Variants in DDRGK1 observed in about 807,000 individuals in gnomAD.
The protein encoded by DDRGK1 is DDRGK domain-containing protein 1.
Under a neutral mutation model 45.8 loss-of-function variants are expected in DDRGK1, and 38 were observed. The observed-to-expected ratio is 0.83, with a 90% CI of 0.64 to 1.09. DDRGK1 has a LOEUF of 1.09. DDRGK1 is among the 50% of genes least tolerant of loss of function. The pLI, the probability that DDRGK1 is intolerant of heterozygous loss-of-function variation, is 0.00. For synonymous variants in DDRGK1, 171 were observed against 168.7 expected (o/e 1.01, Z -0.11); for missense variants, 403 against 419.9 (o/e 0.96, Z 0.35).
At chr20:3,191,365 G>C in intron 7 of DDRGK1, 127 bp from the exon 8 acceptor site, 1 of 1,119,470 alleles carries the variant, frequency 8.9e-7, no homozygotes, top group Non-Finnish European at 1.3e-6. Flanking sequence ...ATGTGACTCT[G>C]TGCTTTGCCT....
intron 4 of DDRGK1, among the ~76,000 whole-genome samples, chr20:3,198,358 C>T (rs1302664511): frequency 2.1e-5 from 3 of 142,402 alleles, no homozygotes; most frequent in Non-Finnish European, 4.5e-5. Context: ...GAGCCGAGAT[C>T]GTGCCACTGC....
At chr20:3,192,060 C>T (rs1455837891) in intron 6 of DDRGK1, among the ~76,000 whole-genome samples, 2 of 151,756 alleles carry the variant, frequency 1.3e-5, no homozygotes, top group African/African-American at 2.4e-5. Flanking sequence ...CCCCTTCTTG[C>T]GAGGAAGGAA....
At chr20:3,204,459 C>G in intron 1 of DDRGK1, 78 bp downstream of exon 1, 1 of 1,427,702 alleles carries the variant, frequency 7.0e-7, no homozygotes, top group Non-Finnish European at 9.4e-7. Flanking sequence ...GCGCAGGAGC[C>G]GCGGCGCGAC....
chr20:3,196,851 C>T (rs1000869197), intron 4 of DDRGK1, among the ~76,000 whole-genome samples: 1 of 96,362 alleles, frequency 1.0e-5, no homozygotes, highest in East Asian at 3.0e-4. Context: ...CTGGAACAAT[C>T]TCAACAACGT....
At chr20:3,204,441 G>A (rs2122247420) in intron 1 of DDRGK1, 96 bp downstream of exon 1, 1 of 1,299,772 alleles carries the variant, frequency 7.7e-7, no homozygotes, top group Non-Finnish European at 1.1e-6. Flanking sequence ...GCCCGCCCAG[G>A]TGCGCACGCG....
At chr20:3,200,198 C>CACAG in intron 3 of DDRGK1, 96 bp from the exon 4 acceptor site, 3 of 1,502,160 alleles carry the variant, frequency 2.0e-6, no homozygotes, top group Non-Finnish European at 2.7e-6. Context: ...TGGGCCAGGG[C>CACAG]ACAGACCCAG....
rs377676012 is a variant in DDRGK1 at position 3,204,524 on chromosome 20, C to T, written c.91+13G>A. ...CCCGGTACCACCAACCCTGGTGCAG[C>T]GGCATCTCCTACCTGATGCCGCCCG... On this transcript the variant is annotated intron_variant, in intron 1 of 8. Coordinates refer to ENST00000354488, the MANE Select transcript of DDRGK1 (RefSeq NM_023935.3). 1.9e-6 allele frequency: 3 copies of T among 1,552,446 alleles called. No homozygotes were observed. The highest frequency in any genetic ancestry group is 2.7e-5 in the African/African-American group (2 of 73,944).
chr20:3,204,409 C>T, intron 1 of DDRGK1, 128 bp downstream of exon 1: 1 of 921,918 alleles, frequency 1.1e-6, no homozygotes, highest in Non-Finnish European at 1.6e-6. Flanking sequence ...ACACGACTAG[C>T]GCACGGACGC....
rs1003593155 is a variant in DDRGK1 at position 3,190,648 on chromosome 20, T to G, written c.*5A>C. The G allele has an allele frequency of 4.7e-5, 76 of 1,613,262 alleles. No individual in the cohort carries two copies. Among genetic ancestry groups the G allele is most frequent in the Non-Finnish European group, 6.1e-5 (72 of 1,179,916 alleles). Reference sequence around the variant, plus strand: ...AACTCTGAGTCCAAGAGGGAAGGACTGGGGTCAGGCTGGGGCTTGGGCAGG... The same window carrying G: ...AACTCTGAGTCCAAGAGGGAAGGACGGGGGTCAGGCTGGGGCTTGGGCAGG... On this transcript the variant is annotated 3_prime_UTR_variant, in exon 9 of 9. Transcript: ENST00000354488.
At chr20:3,201,524 C>G (rs903490771) in intron 2 of DDRGK1, among the ~76,000 whole-genome samples, 7 of 150,644 alleles carry the variant, frequency 4.6e-5, no homozygotes, top group African/African-American at 1.7e-4. Context: ...TGCATAGCCA[C>G]AAAGAAGGAG....
intron 4 of DDRGK1, among the ~76,000 whole-genome samples, 170 bp from the exon 5 acceptor site, chr20:3,195,523 C>T (rs1352469249): frequency 6.6e-6 from 1 of 152,098 alleles, no homozygotes; most frequent in East Asian, 1.9e-4. Flanking sequence ...AACCATGGGC[C>T]GAGGCCCCTC....
chr20:3,201,681 G>A (rs1472961433), intron 2 of DDRGK1, among the ~76,000 whole-genome samples: 4 of 150,198 alleles, frequency 2.7e-5, no homozygotes, highest in Non-Finnish European at 4.4e-5. Context: ...TTTTTGAGAC[G>A]GAGTCTCGCT....
chr20:3,200,571 T>G, intron 2 of DDRGK1, 117 bp from the exon 3 acceptor site: 1 of 849,762 alleles, frequency 1.2e-6, no homozygotes, highest in Non-Finnish European at 1.9e-6. Flanking sequence ...CACCTGCAAA[T>G]GTCACTAGCC....
At position 3,203,351 on chromosome 20, in the gene DDRGK1, G is replaced by A; in HGVS notation, c.157C>T (p.Leu53=). Residue 53 remains leucine, a synonymous_variant, in exon 2 of 9, where the codon CTG becomes TTG. Transcript: ENST00000354488. ...CCAGCTCTCGGCTCCTCAGGCTCCA[G>A]GGGCCCAGGCTGGGCCACCCGGCCT... The part of the protein sequence containing the change: ...GAGRVAQPGP[L]EPEEPRAGGR... 1 of 1,608,498 alleles carries A rather than the reference G, an allele frequency of 6.2e-7. No homozygotes were observed. The highest frequency in any genetic ancestry group is 8.5e-7 in the Non-Finnish European group (1 of 1,177,186).
Position 3,200,344 on chromosome 20 carries a change from C to T in DDRGK1, c.406G>A (p.Glu136Lys), listed in dbSNP as rs139958814. 7.7e-6 allele frequency: 12 copies of T among 1,561,606 alleles called. No individual in the cohort carries two copies. In the African/African-American group the frequency reaches 1.6e-4, roughly 21 times the overall value. Residue 136 changes from glutamate (E) to lysine (K), a missense_variant and splice_region_variant, in exon 3 of 9, where the codon GAG becomes AAG. Coordinates refer to ENST00000354488, the MANE Select transcript of DDRGK1 (RefSeq NM_023935.3). ...EEKQARKAQR[E>K]AEEAEREERK... ...TGCACCCCATCCCTCCGGCTTGCCT[C>T]ACGCTGGGCCTTTCGCGCTTGTTTC...
At chr20:3,197,764 T>C (rs2067018072) in intron 4 of DDRGK1, among the ~76,000 whole-genome samples, 1 of 151,686 alleles carries the variant, frequency 6.6e-6, no homozygotes, top group African/African-American at 2.4e-5. Context: ...ACCCCGCCTC[T>C]ACCAAAAATA....
rs753666292 is a variant in DDRGK1, at chr20:3,200,383, G to A, written c.367C>T (p.Arg123Trp). The A allele has an allele frequency of 4.4e-6, 7 of 1,579,960 alleles. No individual in the cohort carries two copies. The highest frequency in any genetic ancestry group is 4.6e-5 in the East Asian group (2 of 43,376). The change falls in exon 3 of 9, where the codon CGG (arginine) becomes TGG (tryptophan). Residue 123 changes from arginine (R) to tryptophan (W), a missense_variant. Physicochemically the swap from Arg to Trp is moderately radical, Grantham distance 101 (BLOSUM62 -3). Transcript: ENST00000354488. Reference protein sequence around the residue: ...LSGKIGAKKLRKLEEKQARKA... With the variant: ...LSGKIGAKKLWKLEEKQARKA... ...CGCGCTTGTTTCTCCTCCAGCTTCC[G>A]CAGTTTCTTAGCTCCAATTTTCCCC...
At chr20:3,202,821 T>TAA (rs1278834514) in intron 2 of DDRGK1, among the ~76,000 whole-genome samples, 1 of 152,186 alleles carries the variant, frequency 6.6e-6, no homozygotes, top group Non-Finnish European at 1.5e-5. Context: ...TCTCTATCTT[T>TAA]AAACTGTTTT....
rs539825583 is a variant in DDRGK1, at chr20:3,195,608, T to G, written c.511-255A>C. Among the ~76,000 whole-genome samples, 53 of 152,160 alleles carry G rather than the reference T, an allele frequency of 3.5e-4. No homozygotes were observed. The South Asian group carries it at 0.011, about 31-fold the overall frequency. ...CCCGCCCTCCGTGCTCAGGGGATCTTAGCAAAAATCTGTTGAAAACCCTGC... is the reference window on the plus strand; with the variant it reads ...CCCGCCCTCCGTGCTCAGGGGATCTGAGCAAAAATCTGTTGAAAACCCTGC... On this transcript the variant is annotated intron_variant, in intron 4 of 8. Coordinates refer to ENST00000354488, the MANE Select transcript of DDRGK1 (RefSeq NM_023935.3).
Sources: allele counts gnomAD v4.1 joint callset (sites outside exome capture counted in the v4.1 genomes callset), GRCh38; gene constraint gnomAD v4.1.1; transcripts MANE v1.5; gene names NCBI Gene and HGNC (gene_info 2026-07-23, HGNC 2026-07-21).